Variants in COL15A1 observed in about 807,000 individuals in gnomAD.
COL15A1 encodes the protein collagen alpha-1(XV) chain.
In COL15A1, 111 loss-of-function variants were observed where a neutral mutation model predicts 165.9. The ratio of observed to expected loss-of-function variants is 0.67; its 90% CI spans 0.57 to 0.78. COL15A1 has a LOEUF of 0.78. COL15A1 is among the 30% of genes least tolerant of loss of function. COL15A1 has a pLI of 0.00. For synonymous variants in COL15A1, 659 were observed against 674.8 expected (o/e 0.98, Z 0.36); for missense variants, 1,745 against 1,789.7 (o/e 0.98, Z 0.45).
intron 2 of COL15A1, among the ~76,000 whole-genome samples, chr9:98,965,277 C>A (rs1196772162): frequency 1.3e-5 from 2 of 152,202 alleles, no homozygotes; most frequent in African/African-American, 4.8e-5. Flanking sequence ...GTCTCCTTGG[C>A]TGGACATTTG....
At chr9:99,050,670 C>T (rs1790705924) in intron 30 of COL15A1, among the ~76,000 whole-genome samples, 1 of 152,248 alleles carries the variant, frequency 6.6e-6, no homozygotes, top group African/African-American at 2.4e-5. Flanking sequence ...TTATTGAGCA[C>T]TTATGCAGTG....
chr9:99,001,585 A>G (rs546555446), intron 7 of COL15A1, among the ~76,000 whole-genome samples: 8 of 152,212 alleles, frequency 5.3e-5, no homozygotes, highest in Admixed American at 1.3e-4. Flanking sequence ...CAAAATTACA[A>G]ACACAGTTTC....
chr9:99,070,324 T>C lies in COL15A1; in HGVS notation c.*438T>C. 4.3e-6 allele frequency: 1 copy of C among 234,118 alleles called. No individual in the cohort carries two copies. The highest frequency in any genetic ancestry group is 8.6e-6 in the Non-Finnish European group (1 of 116,080). 14.5% of individuals were successfully genotyped at this position (234,118 alleles called of 1,614,324 possible). ...GTTATATACAGATCAAATGCTTTTTTCTTTCACGTACATCCATCATTTGCA... is the reference window on the plus strand; with the variant it reads ...GTTATATACAGATCAAATGCTTTTTCCTTTCACGTACATCCATCATTTGCA... On this transcript the variant is annotated 3_prime_UTR_variant, in exon 42 of 42. Transcript: ENST00000375001.
In COL15A1 at chr9:99,042,119, C is replaced by A. The variant is rs1490645095; in HGVS notation, c.2574+12C>A. On this transcript the variant is annotated intron_variant, in intron 24 of 41. Transcript: ENST00000375001. ...TAAAAGGAGAACAGGTAAGAGGGGC[C>A]CAGGTATCTGAGTGAGATTGGGCGC... is the stretch of plus-strand genomic sequence containing the variant. 2.5e-6 allele frequency: 4 copies of A among 1,601,554 alleles called. No homozygotes were observed. Among genetic ancestry groups the A allele is most frequent in the African/African-American group, 1.3e-5 (1 of 74,510 alleles).
chr9:99,040,549 G>A lies in COL15A1; in HGVS notation c.2504G>A (p.Gly835Glu), dbSNP rs543873598. 69 of 1,614,056 alleles carry A rather than the reference G, an allele frequency of 4.3e-5. No homozygotes were observed. In the South Asian group the frequency reaches 7.4e-4, roughly 17 times the overall value. The part of the protein sequence containing the change: ...PGPDGLPGLP[G>E]FPGPRGPKGD... ...CCGGACGGGTTGCCTGGGCTGCCAG[G>A]ATTTCCAGTAAGTACCACCCTCGCT... The change falls in exon 23 of 42, where the codon GGA (glycine) becomes GAA (glutamate). Residue 835 changes from glycine (G) to glutamate (E), a missense_variant. Physicochemically the swap from Gly to Glu is moderately conservative, Grantham distance 98 (BLOSUM62 -2). Transcript: ENST00000375001.
chr9:98,958,865 C>G (rs1287926848), intron 2 of COL15A1, among the ~76,000 whole-genome samples: 2 of 152,056 alleles, frequency 1.3e-5, no homozygotes, highest in Non-Finnish European at 2.9e-5. Context: ...AGTGAGTATT[C>G]CGCAAAGTGA....
intron 14 of COL15A1, among the ~76,000 whole-genome samples, chr9:99,024,277 G>GTTTTTTTT (rs773196929): frequency 1.4e-4 from 15 of 108,628 alleles, no homozygotes; most frequent in African/African-American, 3.0e-4. Context: ...AGTTTTTTTT[G>GTTTTTTTT]TTTTTTTGTT....
chr9:99,034,586 TAAAAAAAAAAAAAAAAAAA>T lies in COL15A1; in HGVS notation c.2079+12_2079+30del. 1 of 1,073,434 alleles carries T rather than the reference TAAAAAAAAAAAAAAAAAAA, an allele frequency of 9.3e-7. No individual in the cohort carries two copies. The highest frequency in any genetic ancestry group is 2.0e-5 in the South Asian group (1 of 50,936). 66.5% of individuals were successfully genotyped at this position (1,073,434 alleles called of 1,614,324 possible). ...CCTAATGGCTCAGTTGGTGAAAAGG[TAAAAAAAAAAAAAAAAAAA>T]AAAAAAAAAGAACTTTCTTCTCCCT... is the stretch of plus-strand genomic sequence containing the variant. On this transcript the variant is annotated splice_donor_5th_base_variant and intron_variant, in intron 17 of 41. Transcript: ENST00000375001.
At chr9:99,044,912 A>C (rs904134727) in intron 26 of COL15A1, 142 bp downstream of exon 26, 14 of 750,126 alleles carry the variant, frequency 1.9e-5, no homozygotes, top group Middle Eastern at 6.8e-4. Flanking sequence ...TACTAGGGTA[A>C]GGCTGACTAC....
chr9:99,032,872 A>G (rs1202149003), intron 16 of COL15A1, among the ~76,000 whole-genome samples: 4 of 152,178 alleles, frequency 2.6e-5, no homozygotes, highest in African/African-American at 9.6e-5. Flanking sequence ...AAGATCTCTA[A>G]TTGGTTCTTT....
chr9:99,067,093 C>A, intron 40 of COL15A1, 26 bp downstream of exon 40: 1 of 1,593,084 alleles, frequency 6.3e-7, no homozygotes, highest in Non-Finnish European at 8.6e-7. Context: ...GTTCCCATTG[C>A]CTTCTGCATG....
intron 16 of COL15A1, among the ~76,000 whole-genome samples, chr9:99,027,828 C>G (rs1285053700): frequency 6.6e-6 from 1 of 152,154 alleles, no homozygotes. Flanking sequence ...GGAGAGCTGG[C>G]AGGAAACTTT....
chr9:99,038,192 G>A (rs1426042721), intron 21 of COL15A1, among the ~76,000 whole-genome samples: 2 of 152,188 alleles, frequency 1.3e-5, no homozygotes, highest in African/African-American at 4.8e-5. Flanking sequence ...TCTGGTGGAA[G>A]TGTAAATTGG....
At chr9:98,961,644 C>A (rs1298162210) in intron 2 of COL15A1, among the ~76,000 whole-genome samples, 2 of 152,114 alleles carry the variant, frequency 1.3e-5, no homozygotes, top group Non-Finnish European at 2.9e-5. Flanking sequence ...TTTTTCCTAG[C>A]CTGGCCCTGG....
At chr9:98,964,672 T>C (rs145154663) in intron 2 of COL15A1, among the ~76,000 whole-genome samples, 449 of 152,316 alleles carry the variant, frequency 2.9e-3, no homozygotes, top group Non-Finnish European at 4.0e-3. Flanking sequence ...CCAAGCTCTG[T>C]ATGAGGCCCT....
In COL15A1 at chr9:99,004,905, A is replaced by G; in HGVS notation, c.1208A>G (p.Asp403Gly). 1 of 1,614,048 alleles carries G rather than the reference A, an allele frequency of 6.2e-7. No individual in the cohort carries two copies. The highest frequency in any genetic ancestry group is 8.5e-7 in the Non-Finnish European group (1 of 1,179,938). ...NPEEGVTPGP[D>G]NEERLAATAA... ...TGTTGACTTTCTATTCAGGGTCCAG[A>G]TAATGAAGAGCGTTTAGCAGCAACA... Residue 403 changes from aspartate (D) to glycine (G), a missense_variant, in exon 9 of 42, where the codon GAT (aspartate) becomes GGT (glycine). Transcript: ENST00000375001.
At chr9:99,034,724 G>C (rs1839268381) in intron 17 of COL15A1, 140 bp downstream of exon 17, 1 of 1,422,424 alleles carries the variant, frequency 7.0e-7, no homozygotes, top group South Asian at 1.5e-5. Context: ...CATCTCAAAG[G>C]AATTGCTCAG....
At chr9:98,997,980 A>G (rs1838578254) in intron 6 of COL15A1, 1 of 152,250 alleles carries the variant, frequency 6.6e-6, no homozygotes, top group African/African-American at 2.4e-5. Context: ...TCATTCATAC[A>G]TACAGCCCTG....
chr9:99,000,954 G>T lies in COL15A1; in HGVS notation c.1065+3G>T. The T allele has an allele frequency of 7.5e-7, 1 of 1,326,614 alleles. No individual in the cohort carries two copies. The highest frequency in any genetic ancestry group is 1.7e-5 in the Admixed American group (1 of 59,652). 82.2% of individuals were successfully genotyped at this position (1,326,614 alleles called of 1,614,324 possible). On this transcript the variant is annotated splice_donor_region_variant and intron_variant, in intron 7 of 41. Transcript: ENST00000375001. ...TCCTTGACATTGCTGAAGAAAAGGT[G>T]AGTAGATGGTAAATTTCATTTGATT...
Sources: gnomAD v4.1 joint callset for allele counts (sites outside exome capture counted in the v4.1 genomes callset) on GRCh38, gnomAD v4.1.1 for gene constraint, MANE v1.5 for transcripts, NCBI Gene and HGNC (gene_info 2026-07-23, HGNC 2026-07-21) for gene names.